The following SGCE variants were observed in gnomAD, a reference collection of about 807,000 sequenced individuals.
SGCE encodes epsilon-sarcoglycan.
SGCE carries 26 observed loss-of-function variants against 57.8 expected under a neutral mutation model. The observed-to-expected ratio is 0.45, with a 90% confidence interval of 0.33 to 0.62. The LOEUF (loss-of-function observed/expected upper bound fraction) is 0.62. Ranked by LOEUF, SGCE falls within the 20% of genes least tolerant of loss-of-function variation. The pLI is 0.02. For synonymous variants in SGCE, 183 were observed against 189.5 expected, an observed-to-expected ratio of 0.97 and a Z score of 0.28; for missense variants, 468 against 548.6, an observed-to-expected ratio of 0.85 and a Z score of 1.47.
rs766037051 is a variant in SGCE at position 94,598,754 on chromosome 7, T to C, written c.1253+21A>G. On this transcript the variant is annotated intron_variant, in intron 9 of 10. Coordinates refer to ENST00000648936, the MANE Select transcript of SGCE (RefSeq NM_003919.3). Reference sequence around the variant, plus strand: ...AAATATACATGCATATTAATAATTATGGCTCTAAGTGGACACTTACTGCTG... The same window carrying C: ...AAATATACATGCATATTAATAATTACGGCTCTAAGTGGACACTTACTGCTG... 3.3e-6 allele frequency: 5 copies of C among 1,513,390 alleles called. No homozygotes were observed. In the South Asian group the frequency reaches 5.6e-5, roughly 17 times the overall value. 93.7% of individuals were successfully genotyped at this position (1,513,390 alleles called of 1,614,324 possible). A position where few individuals can be genotyped will look rare whatever the true frequency, so the allele number is the denominator to read the frequency against.
intron 5 of SGCE, among the ~76,000 whole-genome samples, chr7:94,610,191 C>T (rs1306328601): frequency 6.6e-6 from 1 of 152,068 alleles, no homozygotes; most frequent in Non-Finnish European, 1.5e-5. Flanking sequence ...CAATGATTGC[C>T]AGAAGTTGGG....
intron 10 of SGCE, chr7:94,587,567 T>A: frequency 1.5e-6 from 2 of 1,330,264 alleles, no homozygotes; most frequent in Non-Finnish European, 1.9e-6. Flanking sequence ...ATTTATCTTT[T>A]TTCTCTCTTT....
chr7:94,601,579 T>G (rs1353376251), intron 6 of SGCE, among the ~76,000 whole-genome samples: 1 of 150,720 alleles, frequency 6.6e-6, no homozygotes, highest in Non-Finnish European at 1.5e-5. Flanking sequence ...ACACTAAAAA[T>G]ATAGCCATGT....
chr7:94,642,908 C>A (rs949231994), intron 1 of SGCE, among the ~76,000 whole-genome samples: 1 of 152,214 alleles, frequency 6.6e-6, no homozygotes. Flanking sequence ...AAAACCAAAT[C>A]ATCTATTAAT....
intron 1 of SGCE, among the ~76,000 whole-genome samples, chr7:94,644,389 A>C (rs1009118162): frequency 2.0e-5 from 3 of 152,204 alleles, no homozygotes; most frequent in Non-Finnish European, 2.9e-5. Flanking sequence ...CTGAAGAGAT[A>C]TTACTGTTTC....
intron 1 of SGCE, among the ~76,000 whole-genome samples, chr7:94,649,423 T>C (rs1807569486): frequency 1.3e-5 from 2 of 152,162 alleles, no homozygotes; most frequent in African/African-American, 2.4e-5. Context: ...ATGTAGACAC[T>C]GGGGATTATT....
At chr7:94,645,074 T>A (rs1430048087) in intron 1 of SGCE, among the ~76,000 whole-genome samples, 3 of 152,202 alleles carry the variant, frequency 2.0e-5, no homozygotes, top group African/African-American at 4.8e-5. Flanking sequence ...CCAGGTCTTA[T>A]GTTTACTAAG....
chr7:94,595,594 A>G (rs1239153247), intron 9 of SGCE, among the ~76,000 whole-genome samples: 1 of 152,046 alleles, frequency 6.6e-6, no homozygotes, highest in Non-Finnish European at 1.5e-5. Flanking sequence ...CTCCCAAAAT[A>G]TAATATCACA....
rs577300547 is a variant in SGCE at position 94,629,369 on chromosome 7, T to G, written c.232+350A>C. ...TTCATTCTCCTCTACAACATATGTA[T>G]AGTTTTCCAAAAATCAATGTACTAT... On this transcript the variant is annotated intron_variant, in intron 2 of 10. Transcript: ENST00000648936. 3.4e-4 allele frequency: 77 copies of G among 228,096 alleles called. 1 individual carries two copies. Among genetic ancestry groups the G allele is most frequent in the East Asian group, 2.8e-3 (25 of 8,780 alleles). The allele number at this position is 228,096 out of a possible 1,614,324, so 14.1% of individuals were successfully genotyped here. A position where few individuals can be genotyped will look rare whatever the true frequency, so the allele number is the denominator to read the frequency against.
At chr7:94,632,479 C>G (rs1472251210) in intron 1 of SGCE, among the ~76,000 whole-genome samples, 1 of 152,130 alleles carries the variant, frequency 6.6e-6, no homozygotes, top group African/African-American at 2.4e-5. Context: ...ATCTGCTGAA[C>G]TGCATACTTG....
At chr7:94,624,481 C>G in intron 3 of SGCE, 2 of 346,046 alleles carry the variant, frequency 5.8e-6, no homozygotes, top group Non-Finnish European at 1.0e-5. Context: ...GTTAAAAGAA[C>G]CTCTCTCTCC....
rs188128998 is a variant in SGCE at position 94,649,456 on chromosome 7, A to T, written c.109+6534T>A. Among the ~76,000 whole-genome samples, 45 of 152,336 alleles carry T rather than the reference A, an allele frequency of 3.0e-4. No individual in the cohort carries two copies. The East Asian group carries it at 8.3e-3, about 28-fold the overall frequency. Reference sequence around the variant, plus strand: ...ATTACTTCCAAAGCAGGGGAGCCAGAGCCAGAGCAAGCAAGCACTGCATTC... The same window carrying T: ...ATTACTTCCAAAGCAGGGGAGCCAGTGCCAGAGCAAGCAAGCACTGCATTC... On this transcript the variant is annotated intron_variant, in intron 1 of 10. Transcript: ENST00000648936.
At chr7:94,616,788 TTA>T (rs1801994770) in intron 5 of SGCE, 1 of 152,222 alleles carries the variant, frequency 6.6e-6, no homozygotes, top group Admixed American at 6.5e-5. Flanking sequence ...AGATTTTATT[TTA>T]TGAGTGTTTG....
At chr7:94,637,294 T>C in intron 1 of SGCE, among the ~76,000 whole-genome samples, 1 of 152,310 alleles carries the variant, frequency 6.6e-6, no homozygotes, top group African/African-American at 2.4e-5. Flanking sequence ...ATTCTCCTCA[T>C]ACAGTTGACA....
In SGCE at chr7:94,591,147, T is replaced by C. The variant is rs537477336; in HGVS notation, c.1254-2415A>G. ...TTTGTTCTTTCAGAATTTCACACAATGTATTTATATTGGTTTTGGTCACAA... is the reference window on the plus strand; with the variant it reads ...TTTGTTCTTTCAGAATTTCACACAACGTATTTATATTGGTTTTGGTCACAA... On this transcript the variant is annotated intron_variant, in intron 9 of 10. Coordinates refer to ENST00000648936, the MANE Select transcript of SGCE (RefSeq NM_003919.3). Among the ~76,000 whole-genome samples, 6 of 152,362 alleles carry C rather than the reference T, an allele frequency of 3.9e-5. No homozygotes were observed. The South Asian group carries it at 1.2e-3, about 32-fold the overall frequency.
chr7:94,644,026 G>A (rs1350364293), intron 1 of SGCE, among the ~76,000 whole-genome samples: 1 of 152,154 alleles, frequency 6.6e-6, no homozygotes, highest in Non-Finnish European at 1.5e-5. Flanking sequence ...GGAAGAGAAC[G>A]CCACTGTGCT....
chr7:94,592,490 A>G (rs950052929), intron 9 of SGCE, among the ~76,000 whole-genome samples: 1 of 152,184 alleles, frequency 6.6e-6, no homozygotes, highest in African/African-American at 2.4e-5. Flanking sequence ...TTATGTGTAA[A>G]CTGCATTATG....
At chr7:94,655,639 C>T (rs759102142) in intron 1 of SGCE, among the ~76,000 whole-genome samples, 1 of 152,086 alleles carries the variant, frequency 6.6e-6, no homozygotes, top group African/African-American at 2.4e-5. Context: ...AAACAGGCAA[C>T]GACCCCCAGC....
intron 2 of SGCE, chr7:94,628,974 G>A (rs1000113706): frequency 1.3e-5 from 2 of 152,670 alleles, no homozygotes; most frequent in African/African-American, 4.8e-5. Flanking sequence ...TAGGAACATG[G>A]CTAACTATAT....
Sources: allele counts gnomAD v4.1 joint callset (sites outside exome capture counted in the v4.1 genomes callset), GRCh38; gene constraint gnomAD v4.1.1; transcripts MANE v1.5; gene names NCBI Gene and HGNC (gene_info 2026-07-23, HGNC 2026-07-21).